Variants in RC3H2 observed in about 807,000 individuals in gnomAD.
RC3H2 encodes the protein roquin-2.
RC3H2 carries 31 observed loss-of-function variants against 133.3 expected under a neutral mutation model. The ratio of observed to expected loss-of-function variants is 0.23; its 90% CI spans 0.17 to 0.31. The LOEUF (loss-of-function observed/expected upper bound fraction) is 0.31. RC3H2 is among the 10% of genes least tolerant of loss of function. The probability of loss-of-function intolerance (pLI) is 1.00; values close to 1 mark genes in which losing one functional copy is unlikely to be tolerated. For missense variants in RC3H2, 1,175 were observed against 1,437.2 expected (o/e 0.82, Z 2.95); for synonymous variants, 517 against 502.2 (o/e 1.03, Z -0.40).
chr9:122,868,765 T>A (rs931858932), intron 9 of RC3H2, among the ~76,000 whole-genome samples: 7 of 149,696 alleles, frequency 4.7e-5, no homozygotes, highest in Non-Finnish European at 7.4e-5. Context: ...AATAAATAAA[T>A]AAAAAGAAAA....
At chr9:122,863,637 C>T (rs893701249) in intron 10 of RC3H2, among the ~76,000 whole-genome samples, 14 of 152,086 alleles carry the variant, frequency 9.2e-5, no homozygotes, top group African/African-American at 3.1e-4. Flanking sequence ...TATTCATGTG[C>T]CAAAAACAGC....
intron 2 of RC3H2, among the ~76,000 whole-genome samples, chr9:122,893,683 A>C (rs1458940045): frequency 6.6e-6 from 1 of 152,296 alleles, no homozygotes; most frequent in Non-Finnish European, 1.5e-5. Flanking sequence ...ATTTTTTGCA[A>C]CTTTTTTGTA....
In RC3H2 at chr9:122,865,652, C is replaced by T. The variant is rs1352162280; in HGVS notation, c.1331G>A (p.Arg444Gln). The T allele has an allele frequency of 2.5e-6, 4 of 1,607,192 alleles. No homozygotes were observed. Among genetic ancestry groups the T allele is most frequent in the Non-Finnish European group, 3.4e-6 (4 of 1,177,126 alleles). Reference sequence around the variant, plus strand: ...GGCATTGATCTTTTTGTTCCTTAATCGATACCTGTTTCAAAAACAATCAAC... The same window carrying T: ...GGCATTGATCTTTTTGTTCCTTAATTGATACCTGTTTCAAAAACAATCAAC... Reference protein sequence around the residue: ...AHSQEELEKYRLRNKKINATV... With the variant: ...AHSQEELEKYQLRNKKINATV... Residue 444 changes from arginine (R) to glutamine (Q), a missense_variant, in exon 10 of 21, where the codon CGA becomes CAA. Transcript: ENST00000357244.
At position 122,898,979 on chromosome 9, in the gene RC3H2, C is replaced by A. The variant is rs191376120; in HGVS notation, c.-67-1403G>T. Among the ~76,000 whole-genome samples the A allele has an allele frequency of 5.6e-3, 842 of 151,220 alleles. 9 individuals carry two copies. Among genetic ancestry groups the A allele is most frequent in the Non-Finnish European group, 7.5e-3 (506 of 67,882 alleles). ...TTTACCAACCCAAATATATTAGTTC[C>A]ACAGAAATTAGATGTTTAAAAATGT... On this transcript the variant is annotated intron_variant, in intron 1 of 20. Transcript: ENST00000357244.
rs1338489929 is a variant in RC3H2, at chr9:122,846,239, A to G, written c.*3388T>C. On this transcript the variant is annotated 3_prime_UTR_variant, in exon 21 of 21. Transcript: ENST00000357244. ...AAGTGACTAGATCCATACAAATGGA[A>G]AATTTCAGTTCTTGTATAGGAAATT... is the stretch of plus-strand genomic sequence containing the variant. The G allele has an allele frequency of 6.6e-6, 1 of 152,244 alleles. No homozygotes were observed. Among genetic ancestry groups the G allele is most frequent in the East Asian group, 1.9e-4 (1 of 5,204 alleles). The allele number at this position is 152,244 out of a possible 1,614,324, so 9.4% of individuals were successfully genotyped here. A position where few individuals can be genotyped will look rare whatever the true frequency, so the allele number is the denominator to read the frequency against.
Position 122,859,992 on chromosome 9 carries a change from G to A in RC3H2, c.1774C>T (p.His592Tyr). Residue 592 changes from histidine to tyrosine, a missense_variant, in exon 11 of 21, where the codon CAT becomes TAT. By Grantham distance (83) the His-to-Tyr change is moderately conservative. This residue lies in a region of RC3H2 where 490 missense variants were observed against 492.8 expected (regional missense o/e 0.99). Coordinates refer to ENST00000357244, the MANE Select transcript of RC3H2 (RefSeq NM_001100588.3). ...FLTRVPVYPPHSENIQYFQDP... is the reference protein window; with the variant it reads ...FLTRVPVYPPYSENIQYFQDP... ...TGAAAATACTGAATGTTTTCAGAAT[G>A]CGGAGGATATACTGGTACTCTAGTT... The A allele has an allele frequency of 6.2e-7, 1 of 1,614,112 alleles. No individual in the cohort carries two copies. The highest frequency in any genetic ancestry group is 1.3e-5 in the African/African-American group (1 of 75,038).
intron 12 of RC3H2, among the ~76,000 whole-genome samples, chr9:122,858,380 C>T (rs1372944390): frequency 1.3e-5 from 2 of 152,200 alleles, no homozygotes; most frequent in Admixed American, 1.3e-4. Flanking sequence ...AGATTTCTTT[C>T]TACTTTCCCA....
intron 5 of RC3H2, among the ~76,000 whole-genome samples, chr9:122,881,094 T>C (rs1831602257): frequency 6.6e-6 from 1 of 152,110 alleles, no homozygotes; most frequent in African/African-American, 2.4e-5. Context: ...GGAAAGGGAA[T>C]TAAATTAGGG....
intron 14 of RC3H2, 51 bp from the exon 15 acceptor site, chr9:122,855,448 C>G: frequency 6.7e-7 from 1 of 1,496,908 alleles, no homozygotes; most frequent in East Asian, 2.3e-5. Flanking sequence ...ATTACTTCAG[C>G]TAGTAAATAT....
chr9:122,871,753 T>C (rs1379223276), intron 9 of RC3H2, among the ~76,000 whole-genome samples: 3 of 152,204 alleles, frequency 2.0e-5, no homozygotes, highest in African/African-American at 7.2e-5. Context: ...ATGCTATATT[T>C]ATTTATTTCA....
intron 1 of RC3H2, among the ~76,000 whole-genome samples, chr9:122,898,771 A>G (rs916268013): frequency 2.7e-5 from 4 of 147,274 alleles, no homozygotes; most frequent in African/African-American, 5.0e-5. Context: ...AAAAAGTTCC[A>G]TAAGTTTAGT....
At chr9:122,869,195 C>T (rs1006665200) in intron 9 of RC3H2, among the ~76,000 whole-genome samples, 3 of 151,978 alleles carry the variant, frequency 2.0e-5, no homozygotes, top group African/African-American at 7.3e-5. Flanking sequence ...TGTGAGCCAC[C>T]ATGCCTGGCC....
chr9:122,897,790 A>G (rs4292762), intron 1 of RC3H2: 67,164 of 325,900 alleles, frequency 0.21, 10,668 homozygotes, highest in East Asian at 0.7. Context: ...CCTTTCAACT[A>G]AACTGTATTT....
chr9:122,871,506 T>TGGGGG (rs34377701), intron 9 of RC3H2, among the ~76,000 whole-genome samples: 9 of 127,682 alleles, frequency 7.0e-5, no homozygotes, highest in African/African-American at 2.7e-4. Context: ...ACCGTGTTAG[T>TGGGGG]GGGGGGGGGG....
intron 15 of RC3H2, 149 bp from the exon 16 acceptor site, chr9:122,854,764 T>C (rs1830177758): frequency 1.6e-6 from 1 of 643,012 alleles, no homozygotes; most frequent in Admixed American, 2.5e-5. Context: ...CCATGGTTGT[T>C]AAATGGAGGG....
chr9:122,888,782 C>T (rs1282662809), intron 4 of RC3H2, among the ~76,000 whole-genome samples: 2 of 152,130 alleles, frequency 1.3e-5, no homozygotes, highest in Non-Finnish European at 2.9e-5. Context: ...ACAAATAGTG[C>T]TTTTATAACT....
chr9:122,861,838 T>C (rs1455225888), intron 10 of RC3H2, among the ~76,000 whole-genome samples: 1 of 152,146 alleles, frequency 6.6e-6, no homozygotes, highest in Non-Finnish European at 1.5e-5. Context: ...ATGTAAAAAA[T>C]AACTAAGGAA....
At chr9:122,892,840 A>T in intron 3 of RC3H2, 69 bp downstream of exon 3, 1 of 1,230,412 alleles carries the variant, frequency 8.1e-7, no homozygotes, top group East Asian at 2.3e-5. Flanking sequence ...GGGTATCCAC[A>T]TCAAGTCATT....
In RC3H2 at chr9:122,849,012, A is replaced by G. The variant is rs937013265; in HGVS notation, c.*615T>C. 2 of 152,216 alleles carry G rather than the reference A, an allele frequency of 1.3e-5. No homozygotes were observed. The highest frequency in any genetic ancestry group is 2.4e-5 in the African/African-American group (1 of 41,468). The allele number at this position is 152,216 out of a possible 1,614,324, so 9.4% of individuals were successfully genotyped here. On this transcript the variant is annotated 3_prime_UTR_variant, in exon 21 of 21. Coordinates refer to ENST00000357244, the MANE Select transcript of RC3H2 (RefSeq NM_001100588.3). ...AAAAAAATTATATGCTACAGATAAAAGCACTGCACCACACTCCTACATATA... is the reference window on the plus strand; with the variant it reads ...AAAAAAATTATATGCTACAGATAAAGGCACTGCACCACACTCCTACATATA...
Sources: allele counts gnomAD v4.1 joint callset (sites outside exome capture counted in the v4.1 genomes callset), GRCh38; gene constraint gnomAD v4.1.1; regional missense constraint gnomAD v4.1.1; transcripts MANE v1.5; gene names NCBI Gene and HGNC (gene_info 2026-07-23, HGNC 2026-07-21).